Variants in CEP57 observed in about 807,000 individuals in gnomAD.
CEP57 encodes the protein centrosomal protein of 57 kDa.
A neutral mutation model predicts 68.0 loss-of-function variants in CEP57; 40 were observed. That is an observed-to-expected ratio of 0.59 (90% confidence interval 0.46 to 0.77). CEP57 has a LOEUF of 0.77. Ranked by LOEUF, CEP57 falls within the 30% of genes least tolerant of loss-of-function variation. The probability of loss-of-function intolerance (pLI) is 0.00; values close to 1 mark genes in which losing one functional copy is unlikely to be tolerated. For missense variants in CEP57, 606 were observed against 580.7 expected (o/e 1.04, Z -0.45); for synonymous variants, 219 against 198.7 (o/e 1.10, Z -0.86).
chr11:95,810,315 A>T (rs899531247), intron 2 of CEP57, among the ~76,000 whole-genome samples: 1 of 152,176 alleles, frequency 6.6e-6, no homozygotes, highest in Non-Finnish European at 1.5e-5. Context: ...GTCTCTCACC[A>T]TTCCTATTGA....
At chr11:95,807,735 GCC>G (rs1861870865) in intron 2 of CEP57, among the ~76,000 whole-genome samples, 1 of 151,382 alleles carries the variant, frequency 6.6e-6, no homozygotes, top group Non-Finnish European at 1.5e-5. Context: ...GACCAAGTCT[GCC>G]TCTGATTGGT....
chr11:95,800,464 C>T (rs903688622), intron 2 of CEP57, among the ~76,000 whole-genome samples: 2 of 151,730 alleles, frequency 1.3e-5, no homozygotes, highest in Non-Finnish European at 2.9e-5. Flanking sequence ...GGCGGGATCC[C>T]GGCTCACTGC....
intron 6 of CEP57, 32 bp from the exon 7 acceptor site, chr11:95,821,839 C>G: frequency 7.0e-7 from 1 of 1,418,844 alleles, no homozygotes; most frequent in Non-Finnish European, 1.0e-6. Flanking sequence ...TTTATTTCTA[C>G]AGCATTAACT....
chr11:95,795,746 T>C (rs1418138964), intron 1 of CEP57, among the ~76,000 whole-genome samples: 4 of 152,230 alleles, frequency 2.6e-5, no homozygotes, highest in African/African-American at 9.6e-5. Context: ...CGTATTGATA[T>C]TTAGTTTGGA....
At chr11:95,820,325 T>C (rs764341682) in intron 6 of CEP57, among the ~76,000 whole-genome samples, 25 of 152,110 alleles carry the variant, frequency 1.6e-4, no homozygotes, top group Non-Finnish European at 2.6e-4. Context: ...GTTATATAAC[T>C]ATTCAGAGTC....
chr11:95,792,306 CT>C (rs1861122170), intron 1 of CEP57, among the ~76,000 whole-genome samples: 1 of 152,130 alleles, frequency 6.6e-6, no homozygotes, highest in African/African-American at 2.4e-5. Flanking sequence ...AAGTTAAGCA[CT>C]TGGAGACCGA....
At chr11:95,790,331 T>C (rs2120351221), upstream of CEP57, 1 of 374,246 alleles carries the variant, frequency 2.7e-6, no homozygotes, top group East Asian at 5.4e-5. Context: ...CGACCCTCCG[T>C]AGAATCCCCG....
Position 95,821,913 on chromosome 11 carries a change from A to G in CEP57, c.742A>G (p.Lys248Glu), listed in dbSNP as rs2135352017. ...AACAAATAGACTTATCTTTGAAGATAAGGCAACTCCGTGTGTTCCCAATGC... is the reference window on the plus strand; with the variant it reads ...AACAAATAGACTTATCTTTGAAGATGAGGCAACTCCGTGTGTTCCCAATGC... The part of the protein sequence containing the change: ...LETNRLIFED[K>E]ATPCVPNARR... The change falls in exon 7 of 11, where the codon AAG becomes GAG. Residue 248 changes from lysine (K) to glutamate (E), a missense_variant. Coordinates refer to ENST00000325542, the MANE Select transcript of CEP57 (RefSeq NM_014679.5). 2 of 1,612,724 alleles carry G rather than the reference A, an allele frequency of 1.2e-6. No individual in the cohort carries two copies. Among genetic ancestry groups the G allele is most frequent in the East Asian group, 2.2e-5 (1 of 44,800 alleles).
At chr11:95,820,593 A>AC (rs1334416038) in intron 6 of CEP57, among the ~76,000 whole-genome samples, 1 of 151,968 alleles carries the variant, frequency 6.6e-6, no homozygotes, top group Non-Finnish European at 1.5e-5. Context: ...AAAAAAAAAA[A>AC]AAAACAGTGT....
In CEP57 at chr11:95,828,023, A is replaced by G; in HGVS notation, c.1123A>G (p.Ser375Gly). 1.2e-6 allele frequency: 2 copies of G among 1,612,462 alleles called. No individual in the cohort carries two copies. The highest frequency in any genetic ancestry group is 1.7e-6 in the Non-Finnish European group (2 of 1,179,490). The change falls in exon 9 of 11, where the codon AGC becomes GGC. Residue 375 changes from serine to glycine, a missense_variant. Coordinates refer to ENST00000325542, the MANE Select transcript of CEP57 (RefSeq NM_014679.5). ...TTTACAGGATGAATTTGGGCAAATG[A>G]GCTTGTGAGTTTTTGTTTTTTTTTT... Reference protein sequence around the residue: ...QTLQDEFGQMSFDHQQLAKLI... With the variant: ...QTLQDEFGQMGFDHQQLAKLI...
chr11:95,823,969 A>G (rs1038914846), intron 8 of CEP57, among the ~76,000 whole-genome samples: 1 of 152,008 alleles, frequency 6.6e-6, no homozygotes, highest in African/African-American at 2.4e-5. Context: ...AAGTCATGAC[A>G]TGACAAGAAA....
In CEP57 at chr11:95,799,346, C is replaced by G; in HGVS notation, c.160C>G (p.Pro54Ala). Reference protein sequence around the residue: ...PFLNSDLRRSPSKPTLAYPES... With the variant: ...PFLNSDLRRSASKPTLAYPES... ...CCTTAATAGTGATCTACGACGCTCC[C>G]CAAGTAAGCCTACACTTGCCTATCC... Residue 54 changes from proline to alanine, a missense_variant, in exon 2 of 11, where the codon CCA becomes GCA. Pro to Ala is a conservative substitution (Grantham distance 27, BLOSUM62 -1). Coordinates refer to ENST00000325542, the MANE Select transcript of CEP57 (RefSeq NM_014679.5). 1.2e-6 allele frequency: 2 copies of G among 1,614,024 alleles called. No individual in the cohort carries two copies. The highest frequency in any genetic ancestry group is 1.7e-6 in the Non-Finnish European group (2 of 1,179,962).
intron 4 of CEP57, among the ~76,000 whole-genome samples, chr11:95,817,236 G>A (rs1231192261): frequency 6.6e-6 from 1 of 150,666 alleles, no homozygotes. Context: ...GCGTGGTGGC[G>A]GGCGCCTATA....
Position 95,799,344 on chromosome 11 carries a change from C to T in CEP57, c.158C>T (p.Ser53Phe). The T allele has an allele frequency of 1.2e-6, 2 of 1,614,044 alleles. No individual in the cohort carries two copies. The highest frequency in any genetic ancestry group is 1.7e-6 in the Non-Finnish European group (2 of 1,179,958). Reference protein sequence around the residue: ...KPFLNSDLRRSPSKPTLAYPE... With the variant: ...KPFLNSDLRRFPSKPTLAYPE... ...TTCCTTAATAGTGATCTACGACGCT[C>T]CCCAAGTAAGCCTACACTTGCCTAT... Residue 53 changes from serine to phenylalanine, a missense_variant, in exon 2 of 11, where the codon TCC becomes TTC. Ser to Phe is a radical substitution (Grantham distance 155, BLOSUM62 -2). Coordinates refer to ENST00000325542, the MANE Select transcript of CEP57 (RefSeq NM_014679.5).
intron 9 of CEP57, among the ~76,000 whole-genome samples, chr11:95,828,844 C>T (rs1321125017): frequency 1.3e-5 from 2 of 152,202 alleles, no homozygotes; most frequent in East Asian, 3.9e-4. Flanking sequence ...GGGCATATCA[C>T]ATCCTGGCTA....
At chr11:95,820,642 GAAT>G (rs1862484533) in intron 6 of CEP57, among the ~76,000 whole-genome samples, 1 of 149,362 alleles carries the variant, frequency 6.7e-6, no homozygotes, top group Non-Finnish European at 1.5e-5. Flanking sequence ...GATCAAATGA[GAAT>G]AAAAAATAAT....
In CEP57 at chr11:95,813,034, T is replaced by C. The variant is rs763970433; in HGVS notation, c.305T>C (p.Ile102Thr). Residue 102 changes from isoleucine (I) to threonine (T), a missense_variant, in exon 3 of 11, where the codon ATT (isoleucine) becomes ACT (threonine). By Grantham distance (89) the Ile-to-Thr change is moderately conservative (BLOSUM62 -1). Transcript: ENST00000325542. ...GTGAAAACCTTGTCTAGAGAAACAA[T>C]TGAATATAAGAAAGTACTGGATGAA... Reference protein sequence around the residue: ...ESVKTLSRETIEYKKVLDEQI... With the variant: ...ESVKTLSRETTEYKKVLDEQI... 8 of 1,613,704 alleles carry C rather than the reference T, an allele frequency of 5.0e-6. No homozygotes were observed. The Admixed American group carries it at 5.0e-5, about 10-fold the overall frequency.
chr11:95,819,054 T>A (rs538496392), intron 6 of CEP57, 150 bp downstream of exon 6: 5 of 679,100 alleles, frequency 7.4e-6, no homozygotes, highest in East Asian at 5.6e-5. Context: ...TAGAAAATTA[T>A]GAACAAGTAT....
intron 2 of CEP57, among the ~76,000 whole-genome samples, chr11:95,804,431 T>G (rs892333510): frequency 6.6e-6 from 1 of 152,128 alleles, no homozygotes. Flanking sequence ...GCCTTAAATG[T>G]TGGGGTACAG....
Sources: allele counts gnomAD v4.1 joint callset (sites outside exome capture counted in the v4.1 genomes callset), GRCh38; gene constraint gnomAD v4.1.1; transcripts MANE v1.5; gene names NCBI Gene and HGNC (gene_info 2026-07-23, HGNC 2026-07-21).